The following CELF6 variants were observed in gnomAD, a reference collection of about 807,000 sequenced individuals.
The protein encoded by CELF6 is CUGBP Elav-like family member 6.
A neutral mutation model predicts 53.1 loss-of-function variants in CELF6; 32 were observed. The observed-to-expected ratio is 0.60, with a 90% CI of 0.46 to 0.81. The LOEUF is 0.81. CELF6 is among the 30% of genes least tolerant of loss of function. CELF6 has a pLI of 0.00. For synonymous variants in CELF6, 291 were observed against 288.8 expected (o/e 1.01, Z -0.08); for missense variants, 539 against 669.5 (o/e 0.81, Z 2.15).
chr15:72,288,747 TG>T lies in CELF6; in HGVS notation c.1093+120del. 2 of 1,360,402 alleles carry T rather than the reference TG, an allele frequency of 1.5e-6. No individual in the cohort carries two copies. The highest frequency in any genetic ancestry group is 2.1e-6 in the Non-Finnish European group (2 of 971,112). The allele number at this position is 1,360,402 out of a possible 1,614,324, so 84.3% of individuals were successfully genotyped here. A position where few individuals can be genotyped will look rare whatever the true frequency, so the allele number is the denominator to read the frequency against. ...ACCCTCACCCCAAGAGAGGTCGTTC[TG>T]GGGGTAGGAGGGGATGGGAGGATCA... On this transcript the variant is annotated intron_variant, in intron 9 of 12. Transcript: ENST00000287202. This position sits in a 1 kb window ranked among gnomAD's most constrained non-coding sequence, Gnocchi z 4.6.
chr15:72,290,627 GT>G (rs1277916453), intron 3 of CELF6, among the ~76,000 whole-genome samples: 5 of 152,160 alleles, frequency 3.3e-5, no homozygotes, highest in Non-Finnish European at 7.4e-5. Flanking sequence ...GACCATTTCT[GT>G]ACTATTAAGG....
intron 3 of CELF6, among the ~76,000 whole-genome samples, chr15:72,304,397 C>T (rs1200315095): frequency 2.0e-5 from 3 of 152,130 alleles, no homozygotes; most frequent in African/African-American, 7.2e-5. Context: ...GGAGAATAAC[C>T]CCCACCTGAT....
Position 72,290,188 on chromosome 15 carries a change from G to A in CELF6, c.462C>T (p.Phe154=). The change falls in exon 4 of 13, where the codon TTC becomes TTT. Residue 154 remains phenylalanine (F), a synonymous_variant. Coordinates refer to ENST00000287202, the MANE Select transcript of CELF6 (RefSeq NM_052840.5). ...QQGEEDVRRL[F]QPFGHIEECT... is the part of the protein sequence containing the mutation. ...ACTCCTCGATGTGGCCAAAGGGCTGGAACAGGCGTCTGACGTCCTCCTCAC... is the reference window on the plus strand; with the variant it reads ...ACTCCTCGATGTGGCCAAAGGGCTGAAACAGGCGTCTGACGTCCTCCTCAC... The A allele has an allele frequency of 1.9e-6, 3 of 1,613,994 alleles. No individual in the cohort carries two copies. Among genetic ancestry groups the A allele is most frequent in the Middle Eastern group, 1.6e-4 (1 of 6,062 alleles).
chr15:72,294,891 T>A (rs988022005), intron 3 of CELF6, among the ~76,000 whole-genome samples: 4 of 150,150 alleles, frequency 2.7e-5, no homozygotes, highest in African/African-American at 9.8e-5. Context: ...GGCAGGAGAA[T>A]CTCTTGAACC....
intron 1 of CELF6, among the ~76,000 whole-genome samples, chr15:72,316,353 C>T (rs2959918): frequency 0.032 from 4,836 of 152,228 alleles, 157 homozygotes; most frequent in African/African-American, 0.075. Context: ...AACTCAGTTT[C>T]GGATGGGAGG....
intron 3 of CELF6, among the ~76,000 whole-genome samples, chr15:72,297,359 CT>C (rs1470869477): frequency 7.2e-6 from 1 of 139,640 alleles, no homozygotes; most frequent in Non-Finnish European, 1.5e-5. Context: ...ATGAGCTCCA[CT>C]TTTTTAGGTT....
At chr15:72,294,676 A>C (rs890505434) in intron 3 of CELF6, among the ~76,000 whole-genome samples, 3 of 152,244 alleles carry the variant, frequency 2.0e-5, no homozygotes, top group African/African-American at 7.2e-5. Flanking sequence ...CAATCTGAAA[A>C]TGAAATGAAG....
rs891637324 is a variant in CELF6 at position 72,289,528 on chromosome 15, G to C, written c.748-21C>G. 1.3e-6 allele frequency: 2 copies of C among 1,504,228 alleles called. No homozygotes were observed. The highest frequency in any genetic ancestry group is 1.8e-6 in the Non-Finnish European group (2 of 1,130,758). 93.2% of individuals were successfully genotyped at this position (1,504,228 alleles called of 1,614,324 possible). ...AGGATCTTTGAGAGGAAAGATGGGC[G>C]AGAGTGGAGGGCCAAGGGGCAGGCA... On this transcript the variant is annotated intron_variant, in intron 6 of 12. Coordinates refer to ENST00000287202, the MANE Select transcript of CELF6 (RefSeq NM_052840.5). This position sits in a 1 kb window ranked among gnomAD's most constrained non-coding sequence, Gnocchi z 7.6.
At chr15:72,312,409 T>C (rs1229987328) in intron 2 of CELF6, among the ~76,000 whole-genome samples, 2 of 152,094 alleles carry the variant, frequency 1.3e-5, no homozygotes, top group Admixed American at 1.3e-4. Context: ...GGCAGATCAC[T>C]TGAAGTCAGG....
At chr15:72,313,028 A>G (rs562483106) in intron 2 of CELF6, among the ~76,000 whole-genome samples, 15 of 152,372 alleles carry the variant, frequency 9.8e-5, no homozygotes, top group African/African-American at 3.6e-4. Flanking sequence ...CAATCCTGAC[A>G]GTATCAGAGG....
intron 2 of CELF6, among the ~76,000 whole-genome samples, chr15:72,314,458 G>T (rs1012866589): frequency 6.6e-6 from 1 of 151,998 alleles, no homozygotes; most frequent in Non-Finnish European, 1.5e-5. Context: ...CGAGCTAGGT[G>T]TTAGTATAAC....
At chr15:72,310,090 T>C (rs1020891671) in intron 2 of CELF6, among the ~76,000 whole-genome samples, 13 of 152,162 alleles carry the variant, frequency 8.5e-5, no homozygotes, top group African/African-American at 3.1e-4. Flanking sequence ...AATTCCTCCC[T>C]TTGGGCTCAG....
rs578013777 is a variant in CELF6, at chr15:72,305,818, C to T, written c.346-1024G>A. 4.0e-4 allele frequency among the ~76,000 whole-genome samples: 61 copies of T among 151,790 alleles called. No individual in the cohort carries two copies. In the South Asian group the frequency reaches 0.013, roughly 31 times the overall value. On this transcript the variant is annotated intron_variant, in intron 2 of 12. Transcript: ENST00000287202. Reference sequence around the variant, plus strand: ...CATCCCCACTAGAAAGTCCCACGGGCGCCTTCACTCAACACACCCAAACGA... The same window carrying T: ...CATCCCCACTAGAAAGTCCCACGGGTGCCTTCACTCAACACACCCAAACGA...
At chr15:72,304,871 C>T in intron 2 of CELF6, 77 bp from the exon 3 acceptor site, 1 of 1,358,768 alleles carries the variant, frequency 7.4e-7, no homozygotes, top group South Asian at 1.2e-5. Flanking sequence ...GAACCCTGGA[C>T]TCCTCAGGAT....
At chr15:72,313,696 T>C (rs2088328833) in intron 2 of CELF6, 2 of 915,846 alleles carry the variant, frequency 2.2e-6, no homozygotes, top group Non-Finnish European at 2.6e-6. Flanking sequence ...TTTACCATGC[T>C]GTTTCCCACA....
chr15:72,309,060 A>C (rs1211724081), intron 2 of CELF6, among the ~76,000 whole-genome samples: 1 of 151,744 alleles, frequency 6.6e-6, no homozygotes, highest in African/African-American at 2.4e-5. Context: ...ATACAGGTAC[A>C]TGCCACCATG....
intron 3 of CELF6, among the ~76,000 whole-genome samples, chr15:72,299,762 A>G (rs1261335914): frequency 2.0e-5 from 3 of 152,216 alleles, no homozygotes; most frequent in Non-Finnish European, 4.4e-5. Flanking sequence ...GTACTGCTCA[A>G]TGTGTAGCTG....
At chr15:72,309,311 A>T (rs768032555) in intron 2 of CELF6, among the ~76,000 whole-genome samples, 1 of 152,228 alleles carries the variant, frequency 6.6e-6, no homozygotes, top group Non-Finnish European at 1.5e-5. Flanking sequence ...AAAAGGAGTG[A>T]TTAGAGGCAA....
intron 3 of CELF6, among the ~76,000 whole-genome samples, chr15:72,302,223 A>G (rs1258148808): frequency 3.9e-5 from 6 of 152,238 alleles, no homozygotes; most frequent in Non-Finnish European, 5.9e-5. Flanking sequence ...GACTGGATAC[A>G]TAGGCCTTTT....
Sources: gnomAD v4.1 joint callset for allele counts (sites outside exome capture counted in the v4.1 genomes callset) on GRCh38, gnomAD v4.1.1 for gene constraint, Gnocchi (gnomAD v3.1) non-coding constraint, MANE v1.5 for transcripts, NCBI Gene and HGNC (gene_info 2026-07-23, HGNC 2026-07-21) for gene names.